ZNF540: variants seen among roughly 807,000 people sequenced by gnomAD.
ZNF540 encodes the protein zinc finger protein 540, also known as CTD-3064H18.6.
Under a neutral mutation model 11.8 loss-of-function variants are expected in ZNF540, and 3 were observed. The ratio of observed to expected loss-of-function variants is 0.25; its 90% confidence interval spans 0.12 to 0.65. ZNF540 has a LOEUF of 0.65. Ranked by LOEUF, ZNF540 falls within the 30% of genes least tolerant of loss-of-function variation. The pLI is 0.83. For synonymous variants in ZNF540, 247 were observed against 259.0 expected (o/e 0.95, Z 0.45); for missense variants, 709 against 793.1 (o/e 0.89, Z 1.27).
Position 37,601,122 on chromosome 19 carries a change from T to A in ZNF540, c.232+17T>A. ...AGTGCCCCGGTGAGTTGAGAGTTCA[T>A]CAGGCAGATGGAAGCCCTCATTGCC... On this transcript the variant is annotated intron_variant, in intron 4 of 4. Transcript: ENST00000316433. 1 of 1,559,090 alleles carries A rather than the reference T, an allele frequency of 6.4e-7. No individual in the cohort carries two copies. Among genetic ancestry groups the A allele is most frequent in the Non-Finnish European group, 8.7e-7 (1 of 1,150,434 alleles).
intron 1 of ZNF540, among the ~76,000 whole-genome samples, chr19:37,573,100 C>G (rs556719855): frequency 6.6e-6 from 1 of 152,126 alleles, no homozygotes; most frequent in African/African-American, 2.4e-5. Context: ...CACCACCACA[C>G]TAATCTTAGC....
intron 1 of ZNF540, among the ~76,000 whole-genome samples, chr19:37,561,898 G>A (rs983286772): frequency 2.0e-5 from 3 of 152,188 alleles, no homozygotes; most frequent in African/African-American, 7.2e-5. Context: ...CTTTAGAGAC[G>A]AAGAATGCAT....
intron 1 of ZNF540, chr19:37,556,023 TTTTGGAGTCCTTTTTCTGCACC>T: frequency 1.4e-6 from 1 of 702,370 alleles, no homozygotes; most frequent in Non-Finnish European, 2.6e-6. Context: ...AAAGTCAACA[TTTTGGAGTCCTTTTTCTGCACC>T]TTTGGAGCTT....
intron 1 of ZNF540, among the ~76,000 whole-genome samples, chr19:37,587,787 A>C (rs2043728305): frequency 6.6e-6 from 1 of 151,828 alleles, no homozygotes; most frequent in Non-Finnish European, 1.5e-5. Flanking sequence ...CCGCTAACCA[A>C]TTTTCACCTC....
intron 1 of ZNF540, chr19:37,586,461 C>T: frequency 3.3e-6 from 2 of 612,036 alleles, no homozygotes; most frequent in Non-Finnish European, 5.8e-6. Flanking sequence ...GAATTATCTG[C>T]TGAATGAATA....
At chr19:37,606,648 T>A (rs868392288) in intron 4 of ZNF540, among the ~76,000 whole-genome samples, 21 of 152,190 alleles carry the variant, frequency 1.4e-4, no homozygotes, top group African/African-American at 4.8e-4. Context: ...CTAATTGTGG[T>A]TGATGTTGAG....
intron 1 of ZNF540, among the ~76,000 whole-genome samples, chr19:37,577,078 C>T (rs2043267007): frequency 6.6e-6 from 1 of 152,060 alleles, no homozygotes; most frequent in Admixed American, 6.6e-5. Context: ...GCTATATTTT[C>T]TAATTAAAGA....
chr19:37,574,711 T>TC (rs2043185007), intron 1 of ZNF540, among the ~76,000 whole-genome samples: 1 of 152,204 alleles, frequency 6.6e-6, no homozygotes, highest in Non-Finnish European at 1.5e-5. Context: ...AAAGTCACTC[T>TC]AAAAATCATT....
At chr19:37,601,210 C>T (rs147148268) in intron 4 of ZNF540, 105 bp downstream of exon 4, 37 of 864,694 alleles carry the variant, frequency 4.3e-5, no homozygotes, top group African/African-American at 4.3e-4. Flanking sequence ...GAGTTACTCT[C>T]AGAGGCCTCA....
At chr19:37,577,957 C>T (rs1259962495) in intron 1 of ZNF540, among the ~76,000 whole-genome samples, 1 of 152,190 alleles carries the variant, frequency 6.6e-6, no homozygotes, top group Non-Finnish European at 1.5e-5. Context: ...GAGCAGTGGG[C>T]GAGTGAGCAT....
In ZNF540 at chr19:37,565,691, G is replaced by A. The variant is rs572509485; in HGVS notation, c.-73+14026G>A. The stretch of plus-strand genomic sequence containing the variant: ...CTTACATTCATATGGTTTCTCTCCT[G>A]TATGAACTCTCTGATGTTCAGTGAG... On this transcript the variant is annotated intron_variant, in intron 1 of 4. Transcript: ENST00000592533. 19 of 1,613,776 alleles carry A rather than the reference G, an allele frequency of 1.2e-5. No homozygotes were observed. In the South Asian group the frequency reaches 1.9e-4, roughly 16 times the overall value.
At chr19:37,586,663 C>A in intron 1 of ZNF540, 1 of 1,614,084 alleles carries the variant, frequency 6.2e-7, no homozygotes, top group Non-Finnish European at 8.5e-7. Flanking sequence ...GAAACAGCAA[C>A]TCACGTGGGG....
At chr19:37,599,519 G>C (rs571456078) in intron 2 of ZNF540, 107 bp from the exon 3 acceptor site, 2 of 1,372,760 alleles carry the variant, frequency 1.5e-6, no homozygotes, top group East Asian at 2.3e-5. Context: ...CCAGCCTAGA[G>C]TTTAGTATAG....
intron 1 of ZNF540, among the ~76,000 whole-genome samples, chr19:37,558,167 C>A (rs1021957759): frequency 6.6e-6 from 1 of 152,214 alleles, no homozygotes; most frequent in Non-Finnish European, 1.5e-5. Context: ...CTTGGATAGC[C>A]GCCACTAAGA....
chr19:37,587,005 C>T (rs563216839), intron 1 of ZNF540: 5 of 306,550 alleles, frequency 1.6e-5, no homozygotes, highest in Non-Finnish European at 2.4e-5. Context: ...CCCAGGGAGC[C>T]CCCCACCATC....
At chr19:37,596,044 GA>G (rs1336367139) in intron 1 of ZNF540, among the ~76,000 whole-genome samples, 1 of 152,006 alleles carries the variant, frequency 6.6e-6, no homozygotes, top group Non-Finnish European at 1.5e-5. Flanking sequence ...AGAAATAATA[GA>G]GACATTGTGT....
chr19:37,578,940 T>C (rs1310862219), intron 1 of ZNF540, among the ~76,000 whole-genome samples: 1 of 152,138 alleles, frequency 6.6e-6, no homozygotes, highest in Admixed American at 6.5e-5. Flanking sequence ...CGGCATTGTT[T>C]GGAAGGGAGG....
At chr19:37,560,788 G>C (rs147011851) in intron 1 of ZNF540, 2 of 152,148 alleles carry the variant, frequency 1.3e-5, no homozygotes, top group African/African-American at 4.8e-5. Context: ...TAGTAATTCT[G>C]ATTAGTGTAC....
chr19:37,582,135 C>G (rs1007043671), intron 1 of ZNF540, among the ~76,000 whole-genome samples: 5 of 152,106 alleles, frequency 3.3e-5, no homozygotes, highest in Admixed American at 1.3e-4. Context: ...TCAACAGTGC[C>G]TGGTGAGTTA....
Sources: gnomAD v4.1 joint callset for allele counts (sites outside exome capture counted in the v4.1 genomes callset) on GRCh38, gnomAD v4.1.1 for gene constraint, MANE v1.5 for transcripts, NCBI Gene and HGNC (gene_info 2026-07-23, HGNC 2026-07-21) for gene names.